The following TUSC3 variants were observed in gnomAD, a reference collection of about 807,000 sequenced individuals.
TUSC3 encodes dolichyl-diphosphooligosaccharide--protein glycosyltransferase subunit TUSC3.
Under a neutral mutation model 44.8 loss-of-function variants are expected in TUSC3, and 45 were observed. That is an observed-to-expected ratio of 1.00 (90% CI 0.79 to 1.29). The LOEUF is 1.29. TUSC3 is among the 50% of genes most tolerant of loss of function. The pLI is 0.00. For synonymous variants in TUSC3, 212 were observed against 152.9 expected (o/e 1.39, Z -2.85); for missense variants, 519 against 437.9 (o/e 1.19, Z -1.65).
the TUSC3 span, chr8:15,806,349 A>G: frequency 2.7e-6 from 2 of 730,702 alleles, no homozygotes; most frequent in South Asian, 1.3e-5. Context: ...GATTTCTTCT[A>G]CTCTGCATTC....
intron 2 of TUSC3, among the ~76,000 whole-genome samples, chr8:15,488,319 C>T (rs372924185): frequency 2.0e-5 from 3 of 151,412 alleles, no homozygotes; most frequent in East Asian, 3.9e-4. Flanking sequence ...CAACATAGAC[C>T]CCATCTCTAC....
At chr8:15,432,619 C>T (rs975176681) in intron 1 of TUSC3, among the ~76,000 whole-genome samples, 3 of 151,992 alleles carry the variant, frequency 2.0e-5, no homozygotes, top group African/African-American at 7.3e-5. Flanking sequence ...TATAAAGAAG[C>T]CTTTATTATC....
At position 15,752,818 on chromosome 8, in the gene TUSC3, T is replaced by C. The variant is rs566030961; in HGVS notation, c.1028+4353T>C. On this transcript the variant is annotated intron_variant, in intron 9 of 10. Transcript: ENST00000503731. Reference sequence around the variant, plus strand: ...CCTCAATAATCTGATAGCCAAAGCCTCTAAGAAAAATGTTGACAATTAGAT... The same window carrying C: ...CCTCAATAATCTGATAGCCAAAGCCCCTAAGAAAAATGTTGACAATTAGAT... 7.9e-5 allele frequency among the ~76,000 whole-genome samples: 12 copies of C among 152,170 alleles called. No individual in the cohort carries two copies. In the East Asian group the frequency reaches 1.2e-3, roughly 15 times the overall value.
At chr8:15,685,139 G>C (rs985152248) in intron 6 of TUSC3, among the ~76,000 whole-genome samples, 1 of 152,184 alleles carries the variant, frequency 6.6e-6, no homozygotes, top group Non-Finnish European at 1.5e-5. Flanking sequence ...ATGCAAGTTT[G>C]AGCTGTGCTT....
At chr8:15,512,557 G>A (rs1383393973) in intron 2 of TUSC3, among the ~76,000 whole-genome samples, 1 of 152,092 alleles carries the variant, frequency 6.6e-6, no homozygotes, top group Non-Finnish European at 1.5e-5. Flanking sequence ...CAGATCACTT[G>A]AGGTCAGCAG....
At chr8:15,797,615 G>A in the TUSC3 span, among the ~76,000 whole-genome samples, 1 of 152,210 alleles carries the variant, frequency 6.6e-6, no homozygotes, top group Non-Finnish European at 1.5e-5. Flanking sequence ...AGAAGCACTC[G>A]TGCTAAATCC....
At chr8:15,618,566 C>T (rs747465276) in intron 1 of TUSC3, among the ~76,000 whole-genome samples, 1 of 152,158 alleles carries the variant, frequency 6.6e-6, no homozygotes, top group Non-Finnish European at 1.5e-5. Flanking sequence ...AGTTATGGAA[C>T]TGTCATCTCC....
intron 6 of TUSC3, among the ~76,000 whole-genome samples, chr8:15,691,875 T>C (rs1396605958): frequency 6.6e-6 from 1 of 152,032 alleles, no homozygotes; most frequent in Non-Finnish European, 1.5e-5. Context: ...GCCTCTTGGG[T>C]TCAAACAATT....
intron 2 of TUSC3, among the ~76,000 whole-genome samples, chr8:15,649,122 C>T (rs1806770125): frequency 6.6e-6 from 1 of 152,252 alleles, no homozygotes; most frequent in Non-Finnish European, 1.5e-5. Flanking sequence ...AGTTACACTT[C>T]CATTTTCATG....
intron 7 of TUSC3, among the ~76,000 whole-genome samples, chr8:15,742,554 G>C (rs570571898): frequency 6.6e-6 from 1 of 152,304 alleles, no homozygotes; most frequent in South Asian, 2.1e-4. Context: ...TCCTCCACTT[G>C]CTGGTATATT....
chr8:15,435,564 A>C (rs1250585025), intron 1 of TUSC3, among the ~76,000 whole-genome samples: 1 of 152,206 alleles, frequency 6.6e-6, no homozygotes, highest in African/African-American at 2.4e-5. Flanking sequence ...TCCAATTTCC[A>C]ACATCATGAA....
intron 1 of TUSC3, among the ~76,000 whole-genome samples, chr8:15,434,918 CTT>C (rs1299205034): frequency 1.3e-5 from 2 of 151,494 alleles, no homozygotes; most frequent in East Asian, 3.9e-4. Flanking sequence ...GCCACATTTT[CTT>C]AATCCAGTCT....
the TUSC3 span, among the ~76,000 whole-genome samples, chr8:15,809,834 C>G: frequency 6.6e-6 from 1 of 152,168 alleles, no homozygotes; most frequent in Non-Finnish European, 1.5e-5. Flanking sequence ...CTTGGCAATG[C>G]CAGACTTCTC....
Position 15,551,220 on chromosome 8 carries a change from T to A in TUSC3, c.138+10652T>A, listed in dbSNP as rs1377877763. ...AATAAATGTGTTTTTCTGGCATATC[T>A]TTAATTTTTATTAGGTTCTAAAAAT... is the stretch of plus-strand genomic sequence containing the variant. On this transcript the variant is annotated intron_variant, in intron 1 of 10. Transcript: ENST00000503731. Among the ~76,000 whole-genome samples, 6 of 151,732 alleles carry A rather than the reference T, an allele frequency of 4.0e-5. 1 individual carries two copies. Among genetic ancestry groups the A allele is most frequent in the Non-Finnish European group, 8.8e-5 (6 of 67,896 alleles).
chr8:15,840,475 C>T, the TUSC3 span, among the ~76,000 whole-genome samples: 2 of 152,148 alleles, frequency 1.3e-5, no homozygotes, highest in South Asian at 4.2e-4. Context: ...AAGAAACTAA[C>T]TCCAAGTCTA....
At chr8:15,666,163 C>T (rs1807651212) in intron 5 of TUSC3, among the ~76,000 whole-genome samples, 1 of 151,366 alleles carries the variant, frequency 6.6e-6, no homozygotes, top group African/African-American at 2.4e-5. Context: ...TAATGAAGAT[C>T]TTCATGGCAA....
intron 2 of TUSC3, among the ~76,000 whole-genome samples, chr8:15,644,726 G>A (rs1325772965): frequency 1.3e-5 from 2 of 151,856 alleles, no homozygotes; most frequent in African/African-American, 2.4e-5. Context: ...ACTCTGAAGA[G>A]ATATCATTAA....
intron 6 of TUSC3, among the ~76,000 whole-genome samples, chr8:15,680,621 C>T (rs765102032): frequency 1.3e-5 from 2 of 152,060 alleles, no homozygotes; most frequent in Non-Finnish European, 2.9e-5. Context: ...ACTTCCAGTA[C>T]TATGCTGAAT....
intron 4 of TUSC3, among the ~76,000 whole-genome samples, chr8:15,660,277 C>G (rs570554887): frequency 6.6e-6 from 1 of 151,476 alleles, no homozygotes; most frequent in Non-Finnish European, 1.5e-5. Flanking sequence ...ATGGCATAGC[C>G]AAAAAATGAT....
Sources: gnomAD v4.1 joint callset for allele counts (sites outside exome capture counted in the v4.1 genomes callset) on GRCh38, gnomAD v4.1.1 for gene constraint, MANE v1.5 for transcripts, NCBI Gene and HGNC (gene_info 2026-07-23, HGNC 2026-07-21) for gene names.